FNIP1: variants seen among roughly 807,000 people sequenced by gnomAD.
The protein encoded by FNIP1 is folliculin interacting protein 1, also known as folliculin-interacting protein 1.
FNIP1 carries 40 observed loss-of-function variants against 124.5 expected under a neutral mutation model. The ratio of observed to expected loss-of-function variants is 0.32; its 90% CI spans 0.25 to 0.42. The LOEUF (loss-of-function observed/expected upper bound fraction) is 0.42, where lower values mean the gene tolerates loss of function less well. Among genes scored for constraint, FNIP1 ranks in the 10% least tolerant of loss-of-function variants. The pLI is 1.00. For synonymous variants in FNIP1, 472 were observed against 470.6 expected (o/e 1.00, Z -0.04); for missense variants, 1,176 against 1,403.7 (o/e 0.84, Z 2.59).
chr5:131,726,975 T>A (rs1457979610), intron 3 of FNIP1, among the ~76,000 whole-genome samples: 1 of 152,240 alleles, frequency 6.6e-6, no homozygotes, highest in Non-Finnish European at 1.5e-5. Context: ...AGTTTCTTAA[T>A]CCTGAATTCT....
At chr5:131,776,533 C>T (rs1240888092) in intron 1 of FNIP1, among the ~76,000 whole-genome samples, 3 of 152,176 alleles carry the variant, frequency 2.0e-5, no homozygotes, top group Non-Finnish European at 4.4e-5. Flanking sequence ...TGTATCTTCA[C>T]ATAACAAAAT....
chr5:131,753,766 A>G (rs1770957718), intron 1 of FNIP1, among the ~76,000 whole-genome samples: 1 of 152,200 alleles, frequency 6.6e-6, no homozygotes, highest in Non-Finnish European at 1.5e-5. Flanking sequence ...TAAAAAAAGT[A>G]ATACTATATT....
chr5:131,688,102 A>G (rs991922101), intron 11 of FNIP1, among the ~76,000 whole-genome samples: 6 of 116,910 alleles, frequency 5.1e-5, no homozygotes, highest in African/African-American at 1.6e-4. Flanking sequence ...AATTCAGACT[A>G]AAAAAAAAAA....
chr5:131,653,589 A>G (rs1009153516), intron 15 of FNIP1, among the ~76,000 whole-genome samples: 1 of 152,106 alleles, frequency 6.6e-6, no homozygotes, highest in Non-Finnish European at 1.5e-5. Context: ...AAAAATTCAG[A>G]TCTACATCTA....
intron 11 of FNIP1, among the ~76,000 whole-genome samples, chr5:131,693,333 C>CATATATATATATAT (rs70974007): frequency 8.0e-5 from 4 of 50,124 alleles, no homozygotes; most frequent in South Asian, 6.3e-4. Context: ...TATATATATA[C>CATATATATATATAT]ATATATATAT....
At chr5:131,725,129 T>G (rs1224193971) in intron 3 of FNIP1, among the ~76,000 whole-genome samples, 1 of 152,200 alleles carries the variant, frequency 6.6e-6, no homozygotes, top group African/African-American at 2.4e-5. Flanking sequence ...TGAAGTCAGG[T>G]AGCGTGATGC....
At chr5:131,699,212 T>A (rs1015374824) in intron 10 of FNIP1, among the ~76,000 whole-genome samples, 2 of 152,192 alleles carry the variant, frequency 1.3e-5, no homozygotes, top group African/African-American at 2.4e-5. Flanking sequence ...TCAAAATTTT[T>A]GACTGTTTTC....
Position 131,719,411 on chromosome 5 carries a change from G to A in FNIP1, c.361C>T (p.Arg121Trp), listed in dbSNP as rs747723482. 29 of 1,608,344 alleles carry A rather than the reference G, an allele frequency of 1.8e-5. No individual in the cohort carries two copies. Among genetic ancestry groups the A allele is most frequent in the East Asian group, 4.5e-5 (2 of 44,834 alleles). The change falls in exon 4 of 18, where the codon CGG (arginine) becomes TGG (tryptophan). Residue 121 changes from arginine (R) to tryptophan (W), a missense_variant. Transcript: ENST00000510461. Reference sequence around the variant, plus strand: ...AGCATATTGGCATCAGAAGAGCACCGAGAACCCTAAACAATAACCACATAT... The same window carrying A: ...AGCATATTGGCATCAGAAGAGCACCAAGAACCCTAAACAATAACCACATAT... ...KDQCLKYQGS[R>W]CSSDANMLGE...
intron 9 of FNIP1, among the ~76,000 whole-genome samples, chr5:131,705,422 C>T (rs992481871): frequency 1.3e-5 from 2 of 151,662 alleles, no homozygotes; most frequent in East Asian, 3.9e-4. Context: ...TGCAGTGAGC[C>T]GGGATTATGC....
intron 1 of FNIP1, among the ~76,000 whole-genome samples, chr5:131,784,890 A>G (rs1403056422): frequency 6.7e-6 from 1 of 149,192 alleles, no homozygotes; most frequent in Non-Finnish European, 1.5e-5. Context: ...AAAGTAATTG[A>G]AAAAGCAGTT....
chr5:131,663,034 C>T (rs1411026792), intron 15 of FNIP1, among the ~76,000 whole-genome samples: 4 of 152,034 alleles, frequency 2.6e-5, no homozygotes, highest in Admixed American at 1.3e-4. Flanking sequence ...TGAGCCACCG[C>T]GGCTGGCCTG....
chr5:131,743,665 C>T (rs750987522), intron 2 of FNIP1, among the ~76,000 whole-genome samples: 13 of 152,200 alleles, frequency 8.5e-5, no homozygotes, highest in African/African-American at 2.6e-4. Context: ...GTCATAAGAA[C>T]GAAGTCCTCA....
At chr5:131,767,698 T>C (rs975520666) in intron 1 of FNIP1, among the ~76,000 whole-genome samples, 3 of 152,174 alleles carry the variant, frequency 2.0e-5, no homozygotes, top group Admixed American at 6.5e-5. Context: ...ACCATTTTAA[T>C]GCTGGAAGCC....
At chr5:131,686,507 C>G (rs913774205) in intron 11 of FNIP1, among the ~76,000 whole-genome samples, 6 of 152,156 alleles carry the variant, frequency 3.9e-5, no homozygotes, top group African/African-American at 1.2e-4. Context: ...CCACTTGAGC[C>G]TGGCTACTTC....
intron 1 of FNIP1, among the ~76,000 whole-genome samples, chr5:131,747,381 T>C (rs1361529755): frequency 6.6e-6 from 1 of 152,192 alleles, no homozygotes; most frequent in Non-Finnish European, 1.5e-5. Context: ...CTTTAGTAAA[T>C]GTCTGTGTGC....
At chr5:131,743,312 G>C (rs1045556039) in intron 2 of FNIP1, among the ~76,000 whole-genome samples, 1 of 151,934 alleles carries the variant, frequency 6.6e-6, no homozygotes, top group Non-Finnish European at 1.5e-5. Flanking sequence ...AGAAGAGTAG[G>C]TTTATAGGCA....
chr5:131,678,992 C>A (rs534488976), intron 12 of FNIP1, 37 bp downstream of exon 12: 3 of 1,406,006 alleles, frequency 2.1e-6, no homozygotes, highest in Admixed American at 2.1e-5. Flanking sequence ...AGTTTGATTA[C>A]AATCTAGATA....
At chr5:131,695,036 C>G (rs899872334) in intron 11 of FNIP1, among the ~76,000 whole-genome samples, 2 of 151,972 alleles carry the variant, frequency 1.3e-5, no homozygotes, top group African/African-American at 4.8e-5. Context: ...CCCTGGGAGG[C>G]AGAGGCTGCA....
intron 3 of FNIP1, among the ~76,000 whole-genome samples, chr5:131,722,248 G>T (rs1456851160): frequency 6.6e-6 from 1 of 152,144 alleles, no homozygotes; most frequent in African/African-American, 2.4e-5. Context: ...TAAGTAGAAA[G>T]ATAAGGGAAC....
Sources: gnomAD v4.1 joint callset for allele counts (sites outside exome capture counted in the v4.1 genomes callset) on GRCh38, gnomAD v4.1.1 for gene constraint, MANE v1.5 for transcripts, NCBI Gene and HGNC (gene_info 2026-07-23, HGNC 2026-07-21) for gene names.